Variants in SVOPL observed in about 807,000 individuals in gnomAD.
The protein encoded by SVOPL is SVOP like.
A neutral mutation model predicts 61.0 loss-of-function variants in SVOPL; 60 were observed. The observed-to-expected ratio is 0.98, with a 90% confidence interval of 0.80 to 1.22. The LOEUF (loss-of-function observed/expected upper bound fraction) is 1.22. Ranked by LOEUF, SVOPL falls within the 50% of genes most tolerant of loss-of-function variation. The probability of loss-of-function intolerance (pLI) is 0.00; values close to 1 mark genes in which losing one functional copy is unlikely to be tolerated. For synonymous variants in SVOPL, 279 were observed against 250.0 expected (o/e 1.12, Z -1.09); for missense variants, 662 against 643.9 (o/e 1.03, Z -0.30).
intron 3 of SVOPL, among the ~76,000 whole-genome samples, chr7:138,676,319 G>A (rs1008879251): frequency 3.3e-5 from 5 of 152,228 alleles, no homozygotes; most frequent in South Asian, 2.1e-4. Context: ...ACCTGAGACT[G>A]GGCAATTTAT....
At chr7:138,668,128 T>C (rs1221691439) in intron 4 of SVOPL, among the ~76,000 whole-genome samples, 1 of 152,070 alleles carries the variant, frequency 6.6e-6, no homozygotes, top group Non-Finnish European at 1.5e-5. Context: ...GTTCATCTGA[T>C]CTTGTGGCAC....
chr7:138,631,010 T>G (rs1800159303), intron 9 of SVOPL, among the ~76,000 whole-genome samples: 1 of 149,944 alleles, frequency 6.7e-6, no homozygotes. Flanking sequence ...TGGATTTTTA[T>G]GTAAAGCTGG....
chr7:138,689,294 G>T, intron 1 of SVOPL: 1 of 1,591,422 alleles, frequency 6.3e-7, no homozygotes, highest in South Asian at 1.1e-5. Context: ...CAGAACTTAA[G>T]GGTTTAGATG....
At chr7:138,644,931 C>T (rs2117001372) in intron 8 of SVOPL, 86 bp from the exon 9 acceptor site, 1 of 1,530,832 alleles carries the variant, frequency 6.5e-7, no homozygotes, top group East Asian at 2.3e-5. Flanking sequence ...CACTACAGTC[C>T]TAGTTTCCCA....
In SVOPL at chr7:138,662,258, T is replaced by A. The variant is rs1802033104; in HGVS notation, c.345+816A>T. ...CCAGCACTAGTCATTTTACTTTTTC[T>A]TGTCCTAAAATTCCATCACAGGCTT... On this transcript the variant is annotated intron_variant, in intron 5 of 15. Transcript: ENST00000674285. 5 of 985,368 alleles carry A rather than the reference T, an allele frequency of 5.1e-6. No homozygotes were observed. In the South Asian group the frequency reaches 2.3e-4, roughly 46 times the overall value. 61.0% of individuals were successfully genotyped at this position (985,368 alleles called of 1,614,324 possible).
At chr7:138,649,649 A>C (rs1010198336) in intron 7 of SVOPL, among the ~76,000 whole-genome samples, 4 of 152,082 alleles carry the variant, frequency 2.6e-5, no homozygotes, top group African/African-American at 9.7e-5. Flanking sequence ...AAACAAGACT[A>C]TTTCAGAAAG....
intron 9 of SVOPL, among the ~76,000 whole-genome samples, chr7:138,630,539 G>A (rs576431292): frequency 1.3e-5 from 2 of 152,118 alleles, no homozygotes; most frequent in African/African-American, 2.4e-5. Context: ...AGAAAACAAC[G>A]GCATAAAGTT....
chr7:138,602,981 ACT>A (rs1056818292), intron 14 of SVOPL, among the ~76,000 whole-genome samples: 9 of 152,052 alleles, frequency 5.9e-5, no homozygotes, highest in Admixed American at 1.3e-4. Flanking sequence ...CATGGAAGTA[ACT>A]CTATCTACAG....
chr7:138,628,433 A>G, intron 10 of SVOPL, 70 bp from the exon 11 acceptor site: 1 of 1,489,758 alleles, frequency 6.7e-7, no homozygotes, highest in Non-Finnish European at 9.2e-7. Context: ...GGGAGGGGAT[A>G]CCAAGTGGAA....
chr7:138,601,320 C>T (rs1798515299), intron 14 of SVOPL, among the ~76,000 whole-genome samples: 1 of 151,036 alleles, frequency 6.6e-6, no homozygotes, highest in Admixed American at 6.6e-5. Flanking sequence ...ACCACAAATG[C>T]TCATTGCAGC....
chr7:138,603,607 G>C (rs1393683557), intron 14 of SVOPL, among the ~76,000 whole-genome samples: 2 of 152,182 alleles, frequency 1.3e-5, no homozygotes, highest in Admixed American at 1.3e-4. Flanking sequence ...GGCAGGCAGA[G>C]GTTGCAGTGA....
intron 13 of SVOPL, among the ~76,000 whole-genome samples, chr7:138,625,590 A>G (rs1299524574): frequency 1.3e-5 from 2 of 152,346 alleles, no homozygotes; most frequent in East Asian, 3.9e-4. Context: ...TAACAGATGG[A>G]AGGAAAGGGA....
intron 14 of SVOPL, among the ~76,000 whole-genome samples, chr7:138,599,752 G>A (rs910242071): frequency 3.3e-5 from 5 of 152,120 alleles, no homozygotes; most frequent in African/African-American, 9.7e-5. Flanking sequence ...GCAGGGCGTG[G>A]TGGTGTGCAC....
chr7:138,635,204 A>T (rs1173308280), intron 9 of SVOPL, among the ~76,000 whole-genome samples: 1 of 151,752 alleles, frequency 6.6e-6, no homozygotes, highest in Non-Finnish European at 1.5e-5. Context: ...CCCATGAAGC[A>T]GTGGTTGCAG....
At chr7:138,629,263 T>TAGG (rs1800055801) in intron 10 of SVOPL, among the ~76,000 whole-genome samples, 2 of 149,578 alleles carry the variant, frequency 1.3e-5, no homozygotes, top group South Asian at 4.2e-4. Context: ...GACAGTTTCA[T>TAGG]GCTGTCACCC....
At chr7:138,605,446 AAGGTC>A (rs1265305346) in intron 14 of SVOPL, among the ~76,000 whole-genome samples, 1 of 151,956 alleles carries the variant, frequency 6.6e-6, no homozygotes, top group Non-Finnish European at 1.5e-5. Context: ...TGGATCACCC[AAGGTC>A]AGGAGCTTGA....
chr7:138,619,561 TAAAAAAA>T (rs11440977), intron 14 of SVOPL, among the ~76,000 whole-genome samples: 34 of 60,322 alleles, frequency 5.6e-4, no homozygotes, highest in Middle Eastern at 0.012. Context: ...TCTCAGATGT[TAAAAAAA>T]AAAAAAAAAA....
chr7:138,693,661 G>C (rs957957468), intron 1 of SVOPL, among the ~76,000 whole-genome samples: 2 of 151,322 alleles, frequency 1.3e-5, no homozygotes, highest in Non-Finnish European at 3.0e-5. Flanking sequence ...AAGAAAGAGA[G>C]AGGGAGGGAG....
At chr7:138,686,405 CAAAAAA>C (rs200553829) in intron 1 of SVOPL, among the ~76,000 whole-genome samples, 3 of 88,742 alleles carry the variant, frequency 3.4e-5, no homozygotes, top group Non-Finnish European at 6.8e-5. Flanking sequence ...GACTCCGCCT[CAAAAAA>C]AAAAAAAAAA....
Sources: allele counts gnomAD v4.1 joint callset (sites outside exome capture counted in the v4.1 genomes callset), GRCh38; gene constraint gnomAD v4.1.1; transcripts MANE v1.5; gene names NCBI Gene and HGNC (gene_info 2026-07-23, HGNC 2026-07-21).